Variants in ZNF71 observed in about 807,000 individuals in gnomAD.
The protein encoded by ZNF71 is zinc finger protein 71, also known as endothelial zinc finger protein induced by tumor necrosis factor alpha.
A neutral mutation model predicts 6.7 loss-of-function variants in ZNF71; 3 were observed. That is an observed-to-expected ratio of 0.45 (90% CI 0.20 to 1.16). The LOEUF (loss-of-function observed/expected upper bound fraction) is 1.16. ZNF71 is among the 50% of genes most tolerant of loss of function. The probability of loss-of-function intolerance (pLI) is 0.25; values close to 1 mark genes in which losing one functional copy is unlikely to be tolerated. For missense variants in ZNF71, 688 were observed against 728.6 expected (o/e 0.94, Z 0.64); for synonymous variants, 343 against 311.1 (o/e 1.10, Z -1.08).
chr19:56,599,917 G>A (rs1483029301), intron 1 of ZNF71, among the ~76,000 whole-genome samples: 3 of 151,696 alleles, frequency 2.0e-5, no homozygotes, highest in African/African-American at 4.8e-5. Context: ...TCCTGACCTC[G>A]TGATCCGCCC....
At chr19:56,599,784 C>G (rs1016164545) in intron 1 of ZNF71, among the ~76,000 whole-genome samples, 2 of 149,036 alleles carry the variant, frequency 1.3e-5, no homozygotes, top group African/African-American at 4.9e-5. Context: ...AGCTCCGCCT[C>G]CTGGGTTCAT....
chr19:56,614,528 C>T (rs1037485751), intron 3 of ZNF71, among the ~76,000 whole-genome samples: 1 of 152,152 alleles, frequency 6.6e-6, no homozygotes, highest in African/African-American at 2.4e-5. Flanking sequence ...TCAAGGAAAA[C>T]GACCTAAATG....
In ZNF71 at chr19:56,621,275, G is replaced by A; in HGVS notation, c.168G>A (p.Glu56=). The A allele has an allele frequency of 6.6e-7, 1 of 1,517,058 alleles. No homozygotes were observed. Among genetic ancestry groups the A allele is most frequent in the Non-Finnish European group, 8.8e-7 (1 of 1,133,908 alleles). 94.0% of individuals were successfully genotyped at this position (1,517,058 alleles called of 1,614,324 possible). Residue 56 remains glutamate (E), a synonymous_variant, in exon 4 of 4, where the codon GAG becomes GAA. Coordinates refer to ENST00000599599, the MANE Select transcript of ZNF71 (RefSeq NM_001370215.1). ...NYRNLVSLDW[E]TRPEMKELDP... is the part of the protein sequence containing the mutation. Reference sequence around the variant, plus strand: ...TGTTTTTGTTTTTTTCAGACTGGGAGACTAGACCTGAAATGAAAGAGTTGG... The same window carrying A: ...TGTTTTTGTTTTTTTCAGACTGGGAAACTAGACCTGAAATGAAAGAGTTGG...
Position 56,621,416 on chromosome 19 carries a change from C to T in ZNF71, c.309C>T (p.Ser103=), listed in dbSNP as rs1475117239. The change falls in exon 4 of 4, where the codon AGC becomes AGT. Residue 103 remains serine, a synonymous_variant. Transcript: ENST00000599599. ...CAGAAGGAGTGTGGGAACCAGGCAG[C>T]TGGCCAGAGAGGCCGCGGGGAGATG... ...PGSEGVWEPG[S]WPERPRGDAG... 6.2e-7 allele frequency: 1 copy of T among 1,613,142 alleles called. No homozygotes were observed. Among genetic ancestry groups the T allele is most frequent in the Non-Finnish European group, 8.5e-7 (1 of 1,179,430 alleles).
Position 56,623,416 on chromosome 19 carries a change from CTT to C in ZNF71, c.*662_*663del. On this transcript the variant is annotated 3_prime_UTR_variant, in exon 4 of 4. Transcript: ENST00000599599. The stretch of plus-strand genomic sequence containing the variant: ...TCTGTTACGTTTTTTAAAAATAAAA[CTT>C]TTAATTAAGGGAGACTATGTTATTT... 4 of 167,098 alleles carry C rather than the reference CTT, an allele frequency of 2.4e-5. No individual in the cohort carries two copies. The allele number at this position is 167,098 out of a possible 1,614,324, so 10.4% of individuals were successfully genotyped here.
At position 56,598,368 on chromosome 19, in the gene ZNF71, A is replaced by G. The variant is rs1435558079; in HGVS notation, c.-53+2940A>G. 1.3e-5 allele frequency among the ~76,000 whole-genome samples: 2 copies of G among 152,114 alleles called. No homozygotes were observed. Among genetic ancestry groups the G allele is most frequent in the East Asian group, 1.9e-4 (1 of 5,136 alleles). ...GGGGAGAGGCCATCAGGGGCACATC[A>G]TAAGGGCTATGTGGGCAGCAGTGAA... On this transcript the variant is annotated intron_variant, in intron 1 of 3. Coordinates refer to ENST00000599599, the MANE Select transcript of ZNF71 (RefSeq NM_001370215.1). This position sits in a 1 kb window ranked among gnomAD's most constrained non-coding sequence, Gnocchi z 4.2.
chr19:56,615,751 T>C (rs1300095704), intron 3 of ZNF71, among the ~76,000 whole-genome samples: 1 of 152,244 alleles, frequency 6.6e-6, no homozygotes, highest in African/African-American at 2.4e-5. Flanking sequence ...GTTTTCACTT[T>C]CTTGATGGCA....
chr19:56,597,092 A>G lies in ZNF71; in HGVS notation c.-53+1664A>G, dbSNP rs568693206. Among the ~76,000 whole-genome samples the G allele has an allele frequency of 2.0e-5, 3 of 152,214 alleles. No homozygotes were observed. The South Asian group carries it at 6.2e-4, about 32-fold the overall frequency. ...ACTAAAAATTACATTTTGTTATTTCATTAATAGGAAGACAAATGTAATCTA... is the reference window on the plus strand; with the variant it reads ...ACTAAAAATTACATTTTGTTATTTCGTTAATAGGAAGACAAATGTAATCTA... On this transcript the variant is annotated intron_variant, in intron 1 of 3. Transcript: ENST00000599599.
At position 56,622,931 on chromosome 19, in the gene ZNF71, T is replaced by C. The variant is rs554210111; in HGVS notation, c.*174T>C. ...CTGATCACACATGCCCCCTCCTTAC[T>C]GAGCCTCAGAAAGCAAGCCCCTCGG... On this transcript the variant is annotated 3_prime_UTR_variant, in exon 4 of 4. Coordinates refer to ENST00000599599, the MANE Select transcript of ZNF71 (RefSeq NM_001370215.1). The C allele has an allele frequency of 2.4e-6, 2 of 843,778 alleles. No homozygotes were observed. The highest frequency in any genetic ancestry group is 3.0e-5 in the Admixed American group (1 of 33,376). 52.3% of individuals were successfully genotyped at this position (843,778 alleles called of 1,614,324 possible). A position where few individuals can be genotyped will look rare whatever the true frequency, so the allele number is the denominator to read the frequency against.
chr19:56,597,873 A>G (rs2044637921), intron 1 of ZNF71, among the ~76,000 whole-genome samples: 1 of 152,180 alleles, frequency 6.6e-6, no homozygotes, highest in South Asian at 2.1e-4. Context: ...CACTTTCCAG[A>G]AAAATGTTGA....
intron 2 of ZNF71, among the ~76,000 whole-genome samples, chr19:56,607,174 T>G (rs758062930): frequency 2.0e-5 from 3 of 152,192 alleles, no homozygotes; most frequent in Non-Finnish European, 4.4e-5. Flanking sequence ...TTCTGATATA[T>G]TCTAAATATG....
At chr19:56,608,374 T>C (rs566505648) in intron 2 of ZNF71, among the ~76,000 whole-genome samples, 28 of 152,306 alleles carry the variant, frequency 1.8e-4, no homozygotes, top group Non-Finnish European at 4.1e-4. Context: ...CGTGCAGTAG[T>C]TTTACTTCTG....
At chr19:56,620,870 C>A (rs10404342) in intron 3 of ZNF71, among the ~76,000 whole-genome samples, 26,749 of 152,120 alleles carry the variant, frequency 0.18, 3,583 homozygotes, top group East Asian at 0.6. Context: ...AGGAGCACGA[C>A]TGGTTGTGGA....
intron 2 of ZNF71, among the ~76,000 whole-genome samples, chr19:56,612,633 G>T (rs1486697481): frequency 4.6e-5 from 7 of 152,100 alleles, no homozygotes; most frequent in Admixed American, 6.6e-5. Flanking sequence ...AAGCGGGCAA[G>T]GTGGCAGGGG....
In ZNF71 at chr19:56,622,938, C is replaced by T; in HGVS notation, c.*181C>T. The T allele has an allele frequency of 1.2e-6, 1 of 800,262 alleles. No homozygotes were observed. 49.6% of individuals were successfully genotyped at this position (800,262 alleles called of 1,614,324 possible). On this transcript the variant is annotated 3_prime_UTR_variant, in exon 4 of 4. Transcript: ENST00000599599. The stretch of plus-strand genomic sequence containing the variant: ...CACATGCCCCCTCCTTACTGAGCCT[C>T]AGAAAGCAAGCCCCTCGGTGTCTGA...
At chr19:56,612,627 G>A (rs2044760326) in intron 2 of ZNF71, among the ~76,000 whole-genome samples, 1 of 152,064 alleles carries the variant, frequency 6.6e-6, no homozygotes, top group African/African-American at 2.4e-5. Context: ...ACTCAGAAGC[G>A]GGCAAGGTGG....
rs974600518 is a variant in ZNF71, at chr19:56,624,450, C to G, written c.*1693C>G. ...TGATCAGACATTGCTTTAGTTGCAT[C>G]TGTTGTGGGAATAAATGAGAATATG... On this transcript the variant is annotated 3_prime_UTR_variant, in exon 4 of 4. Transcript: ENST00000599599. 3 of 152,162 alleles carry G rather than the reference C, an allele frequency of 2.0e-5. No homozygotes were observed. The highest frequency in any genetic ancestry group is 4.4e-5 in the Non-Finnish European group (3 of 68,040). 9.4% of individuals were successfully genotyped at this position (152,162 alleles called of 1,614,324 possible).
chr19:56,596,667 C>G lies in ZNF71; in HGVS notation c.-53+1239C>G, dbSNP rs138556775. ...GCCAGTGCTGGCCATTTATAGATGTCCCAGTAACTCTGAGGTAGAGACCAT... is the reference window on the plus strand; with the variant it reads ...GCCAGTGCTGGCCATTTATAGATGTGCCAGTAACTCTGAGGTAGAGACCAT... On this transcript the variant is annotated intron_variant, in intron 1 of 3. Coordinates refer to ENST00000599599, the MANE Select transcript of ZNF71 (RefSeq NM_001370215.1). 2.0e-4 allele frequency among the ~76,000 whole-genome samples: 30 copies of G among 152,246 alleles called. No individual in the cohort carries two copies. The East Asian group carries it at 5.8e-3, about 29-fold the overall frequency.
chr19:56,621,548 C>T lies in ZNF71; in HGVS notation c.441C>T (p.Val147=), dbSNP rs1600599692. ...ELKAFANQGC[V]LVPPRLDDPT... Reference sequence around the variant, plus strand: ...AGGCATTTGCCAACCAAGGCTGTGTCCTGGTCCCACCACGGCTGGACGACC... The same window carrying T: ...AGGCATTTGCCAACCAAGGCTGTGTTCTGGTCCCACCACGGCTGGACGACC... The change falls in exon 4 of 4, where the codon GTC becomes GTT. Residue 147 remains valine (V), a synonymous_variant. Transcript: ENST00000599599. The T allele has an allele frequency of 1.9e-5, 31 of 1,614,104 alleles. No individual in the cohort carries two copies. The highest frequency in any genetic ancestry group is 2.6e-5 in the Non-Finnish European group (31 of 1,180,042).
Sources: allele counts gnomAD v4.1 joint callset (sites outside exome capture counted in the v4.1 genomes callset), GRCh38; gene constraint gnomAD v4.1.1; non-coding constraint Gnocchi (gnomAD v3.1); transcripts MANE v1.5; gene names NCBI Gene and HGNC (gene_info 2026-07-23, HGNC 2026-07-21).